Variants in FAM117B observed in about 807,000 individuals in gnomAD.
The protein encoded by FAM117B is family with sequence similarity 117 member B, also known as protein FAM117B.
Under a neutral mutation model 52.8 loss-of-function variants are expected in FAM117B, and 22 were observed. That is an observed-to-expected ratio of 0.42 (90% CI 0.30 to 0.59). The LOEUF is 0.59. Ranked by LOEUF, FAM117B falls within the 20% of genes least tolerant of loss-of-function variation. The pLI is 0.22. For synonymous variants in FAM117B, 309 were observed against 324.1 expected (o/e 0.95, Z 0.50); for missense variants, 678 against 802.6 (o/e 0.84, Z 1.88).
rs563297848 is a variant in FAM117B at position 202,748,651 on chromosome 2, CT to C, written c.961-6886del. On this transcript the variant is annotated intron_variant, in intron 4 of 7. Coordinates refer to ENST00000392238, the MANE Select transcript of FAM117B (RefSeq NM_173511.4). ...TTCTTAGAAGAGACAGATTAAATGT[CT>C]GACTAGACATTTCTCAAAAAAAGAC... Among the ~76,000 whole-genome samples the C allele has an allele frequency of 2.5e-3, 381 of 152,170 alleles. 2 individuals are homozygous for C. The highest frequency in any genetic ancestry group is 8.5e-3 in the African/African-American group (353 of 41,536).
intron 1 of FAM117B, among the ~76,000 whole-genome samples, chr2:202,659,983 G>T (rs528030526): frequency 5.9e-5 from 9 of 151,692 alleles, no homozygotes; most frequent in Non-Finnish European, 1.3e-4. Flanking sequence ...AATTTCTGTT[G>T]ATCTATTTTT....
chr2:202,741,305 A>G (rs1186979780), intron 4 of FAM117B, among the ~76,000 whole-genome samples: 2 of 150,028 alleles, frequency 1.3e-5, no homozygotes, highest in Non-Finnish European at 3.0e-5. Context: ...CTGTAGTCCC[A>G]GCTACTCAGG....
intron 2 of FAM117B, among the ~76,000 whole-genome samples, chr2:202,722,482 T>C (rs1328429962): frequency 6.6e-6 from 1 of 152,192 alleles, no homozygotes; most frequent in Non-Finnish European, 1.5e-5. Flanking sequence ...CATGGACTAC[T>C]GTGCAGCCAT....
In FAM117B at chr2:202,766,077, CA is replaced by C; in HGVS notation, c.*314del. ...CTTCTTTAAAACACACACACACACA[CA>C]CACACACACACACACACACACACAC... On this transcript the variant is annotated 3_prime_UTR_variant, in exon 8 of 8. Transcript: ENST00000392238. 4.4e-6 allele frequency: 1 copy of C among 225,940 alleles called. No homozygotes were observed. The highest frequency in any genetic ancestry group is 1.0e-4 in the East Asian group (1 of 9,630). 14.0% of individuals were successfully genotyped at this position (225,940 alleles called of 1,614,324 possible). A position where few individuals can be genotyped will look rare whatever the true frequency, so the allele number is the denominator to read the frequency against.
At chr2:202,697,544 TC>T (rs1222926095) in intron 2 of FAM117B, among the ~76,000 whole-genome samples, 3 of 151,798 alleles carry the variant, frequency 2.0e-5, no homozygotes, top group African/African-American at 7.3e-5. Context: ...ATTTTTTTTT[TC>T]TTTCTTTTTT....
intron 2 of FAM117B, among the ~76,000 whole-genome samples, chr2:202,700,426 CACA>C (rs1690780104): frequency 6.6e-6 from 1 of 152,152 alleles, no homozygotes; most frequent in South Asian, 2.1e-4. Context: ...TCAAACCAGC[CACA>C]ACATTTCATT....
At chr2:202,646,878 TA>T (rs1421843110) in intron 1 of FAM117B, among the ~76,000 whole-genome samples, 3 of 152,196 alleles carry the variant, frequency 2.0e-5, no homozygotes, top group African/African-American at 7.2e-5. Flanking sequence ...CCCCAGTTTT[TA>T]GTATACAAGA....
intron 1 of FAM117B, among the ~76,000 whole-genome samples, chr2:202,681,662 A>G (rs1177469963): frequency 6.6e-6 from 1 of 152,254 alleles, no homozygotes; most frequent in East Asian, 1.9e-4. Flanking sequence ...CCAGTAATTA[A>G]TAGTATAAGT....
intron 4 of FAM117B, among the ~76,000 whole-genome samples, chr2:202,727,654 G>T (rs1260196988): frequency 2.0e-5 from 3 of 152,074 alleles, no homozygotes; most frequent in African/African-American, 7.2e-5. Flanking sequence ...AAATCATAAT[G>T]CACTTACCAT....
intron 1 of FAM117B, among the ~76,000 whole-genome samples, chr2:202,673,439 T>G (rs938712376): frequency 8.3e-4 from 64 of 77,090 alleles, no homozygotes; most frequent in African/African-American, 1.5e-3. Context: ...TTCTGTTTTT[T>G]TTTTTTTTTT....
intron 7 of FAM117B, among the ~76,000 whole-genome samples, chr2:202,764,282 T>A: frequency 6.6e-6 from 1 of 152,124 alleles, no homozygotes; most frequent in East Asian, 1.9e-4. Flanking sequence ...TGTGTGTGTG[T>A]GAGACAGGGT....
At chr2:202,757,167 C>G (rs761213676) in intron 5 of FAM117B, 46 bp from the exon 6 acceptor site, 3 of 1,558,944 alleles carry the variant, frequency 1.9e-6, no homozygotes, top group Admixed American at 1.8e-5. Flanking sequence ...GCTGGTGATT[C>G]GAAATTAATT....
At chr2:202,706,806 T>C (rs1325354940) in intron 2 of FAM117B, among the ~76,000 whole-genome samples, 1 of 152,230 alleles carries the variant, frequency 6.6e-6, no homozygotes, top group Non-Finnish European at 1.5e-5. Flanking sequence ...GTAGAAAGTG[T>C]AACATTAGGA....
intron 1 of FAM117B, among the ~76,000 whole-genome samples, chr2:202,652,294 T>C (rs1051989737): frequency 6.6e-6 from 1 of 151,918 alleles, no homozygotes; most frequent in African/African-American, 2.4e-5. Context: ...AGAGATGGGG[T>C]CTCACTATGT....
chr2:202,740,201 A>AAAAAAAAAAC (rs1559113324), intron 4 of FAM117B, among the ~76,000 whole-genome samples: 3 of 147,508 alleles, frequency 2.0e-5, no homozygotes, highest in Non-Finnish European at 4.5e-5. Flanking sequence ...AAAAAAAAAA[A>AAAAAAAAAAC]ATCCCCAAAT....
chr2:202,708,087 G>T (rs1179345840), intron 2 of FAM117B, among the ~76,000 whole-genome samples: 2 of 151,846 alleles, frequency 1.3e-5, no homozygotes, highest in Admixed American at 6.6e-5. Flanking sequence ...TTATTTTATT[G>T]TCAGAAGAGA....
At chr2:202,755,772 C>T (rs1691791899) in intron 5 of FAM117B, 91 bp downstream of exon 5, 1 of 1,331,986 alleles carries the variant, frequency 7.5e-7, no homozygotes, top group East Asian at 2.4e-5. Flanking sequence ...TGGGTTTCTT[C>T]CTTCTCATTG....
intron 2 of FAM117B, among the ~76,000 whole-genome samples, chr2:202,722,873 A>C (rs1691176627): frequency 6.6e-6 from 1 of 152,172 alleles, no homozygotes; most frequent in Non-Finnish European, 1.5e-5. Flanking sequence ...ATTTTATAGT[A>C]TTAAGTTTAT....
intron 2 of FAM117B, among the ~76,000 whole-genome samples, chr2:202,724,630 T>C (rs948388690): frequency 1.3e-5 from 2 of 152,178 alleles, no homozygotes; most frequent in Admixed American, 6.5e-5. Context: ...ACTCTAGTTA[T>C]TATATATAGT....
Sources: allele counts gnomAD v4.1 joint callset (sites outside exome capture counted in the v4.1 genomes callset), GRCh38; gene constraint gnomAD v4.1.1; transcripts MANE v1.5; gene names NCBI Gene and HGNC (gene_info 2026-07-23, HGNC 2026-07-21).